Variants in SKAP2 observed in about 807,000 individuals in gnomAD.
SKAP2 encodes src kinase associated phosphoprotein 2, also known as src kinase-associated phosphoprotein 2.
A neutral mutation model predicts 54.9 loss-of-function variants in SKAP2; 28 were observed. That is an observed-to-expected ratio of 0.51 (90% CI 0.38 to 0.70). SKAP2 has a LOEUF of 0.70. Among genes scored for constraint, SKAP2 ranks in the 30% least tolerant of loss-of-function variants. The pLI is 0.00. For missense variants in SKAP2, 356 were observed against 424.1 expected (o/e 0.84, Z 1.41); for synonymous variants, 137 against 134.3 (o/e 1.02, Z -0.14).
At chr7:26,712,561 C>T (rs1787333510) in intron 9 of SKAP2, among the ~76,000 whole-genome samples, 1 of 152,182 alleles carries the variant, frequency 6.6e-6, no homozygotes, top group African/African-American at 2.4e-5. Context: ...TGCCTAGGTT[C>T]AAATCCCAAC....
chr7:26,660,543 T>A, the SKAP2 span, among the ~76,000 whole-genome samples: 21 of 152,014 alleles, frequency 1.4e-4, no homozygotes, highest in Non-Finnish European at 2.5e-4. Context: ...AAGCAAAGGA[T>A]GGTATACTTA....
chr7:26,691,455 A>AAAATATGCAAAATATAT (rs1231003593), intron 9 of SKAP2, among the ~76,000 whole-genome samples: 4 of 152,242 alleles, frequency 2.6e-5, no homozygotes, highest in African/African-American at 9.6e-5. Flanking sequence ...ACTTTAAAGA[A>AAAATATGCAAAATATAT]AAATATGCAA....
chr7:26,703,007 A>G (rs556150287), intron 9 of SKAP2, among the ~76,000 whole-genome samples: 45 of 152,322 alleles, frequency 3.0e-4, no homozygotes, highest in Admixed American at 8.5e-4. Flanking sequence ...CCATGCACAG[A>G]GTTTCTGATT....
intron 4 of SKAP2, among the ~76,000 whole-genome samples, chr7:26,831,762 T>C (rs2127992618): frequency 6.6e-6 from 1 of 152,186 alleles, no homozygotes; most frequent in East Asian, 1.9e-4. Flanking sequence ...ACCCAGGCAG[T>C]ATGTTCTTAA....
chr7:26,793,324 C>A (rs3801841), intron 4 of SKAP2, among the ~76,000 whole-genome samples: 1 of 152,184 alleles, frequency 6.6e-6, no homozygotes, highest in East Asian at 1.9e-4. Flanking sequence ...TAACCCTATG[C>A]TCTAGAATCA....
chr7:26,657,981 C>G, the SKAP2 span, among the ~76,000 whole-genome samples: 1 of 152,060 alleles, frequency 6.6e-6, no homozygotes, highest in East Asian at 1.9e-4. Context: ...TGCGGTCTTC[C>G]CAAATATTAT....
chr7:26,704,700 A>C (rs1415644846), intron 9 of SKAP2, among the ~76,000 whole-genome samples: 2 of 152,222 alleles, frequency 1.3e-5, no homozygotes, highest in Non-Finnish European at 2.9e-5. Context: ...CTGCCAAAAG[A>C]AGCAAGGTAG....
At chr7:26,779,320 C>A (rs1329386186) in intron 4 of SKAP2, among the ~76,000 whole-genome samples, 1 of 151,958 alleles carries the variant, frequency 6.6e-6, no homozygotes, top group Non-Finnish European at 1.5e-5. Context: ...AGACAGAATA[C>A]AATTACCTGC....
intron 11 of SKAP2, among the ~76,000 whole-genome samples, chr7:26,683,932 A>G (rs529306826): frequency 2.8e-4 from 43 of 152,288 alleles, no homozygotes; most frequent in African/African-American, 1.0e-3. Context: ...CTGTTTTCCT[A>G]CATCATTTGT....
chr7:26,672,655 A>G (rs561762401), intron 11 of SKAP2, among the ~76,000 whole-genome samples: 1 of 152,220 alleles, frequency 6.6e-6, no homozygotes, highest in East Asian at 1.9e-4. Flanking sequence ...GTTTGAAATT[A>G]ATGCATTATG....
chr7:26,803,021 A>G (rs554119216), intron 4 of SKAP2, among the ~76,000 whole-genome samples: 24 of 152,332 alleles, frequency 1.6e-4, no homozygotes, highest in African/African-American at 5.0e-4. Context: ...AACTACTACA[A>G]GAAAACATTG....
intron 4 of SKAP2, among the ~76,000 whole-genome samples, chr7:26,811,054 G>A (rs1253167316): frequency 6.6e-6 from 1 of 152,044 alleles, no homozygotes; most frequent in Non-Finnish European, 1.5e-5. Context: ...CAAGTAGTTT[G>A]ACCAGTCACA....
At chr7:26,732,478 T>C (rs964155894) in intron 6 of SKAP2, among the ~76,000 whole-genome samples, 1 of 152,220 alleles carries the variant, frequency 6.6e-6, no homozygotes, top group Non-Finnish European at 1.5e-5. Context: ...AAAGTTGGTT[T>C]CCGATGCTTA....
At chr7:26,839,429 C>T (rs984452644) in intron 4 of SKAP2, among the ~76,000 whole-genome samples, 8 of 151,830 alleles carry the variant, frequency 5.3e-5, no homozygotes, top group African/African-American at 1.9e-4. Context: ...ATTAAGACAA[C>T]CCAAAAATTT....
chr7:26,833,599 A>C (rs213534), intron 4 of SKAP2, among the ~76,000 whole-genome samples: 150,809 of 152,122 alleles, frequency 0.99, 74,775 homozygotes, highest in East Asian at 1. Flanking sequence ...AGACATTAAA[A>C]CAACAAAGAT....
intron 9 of SKAP2, among the ~76,000 whole-genome samples, chr7:26,698,027 T>C (rs1786933333): frequency 6.6e-6 from 1 of 152,200 alleles, no homozygotes. Flanking sequence ...TAGTGACAAA[T>C]AGGCTGATGT....
chr7:26,802,619 A>T lies in SKAP2; in HGVS notation c.307+41411T>A, dbSNP rs1424792989. ...TGCTTGGGGCTGGGTGCAGTAGCACACGCCTGTAATCCTGGCACTTTGGGA... is the reference window on the plus strand; with the variant it reads ...TGCTTGGGGCTGGGTGCAGTAGCACTCGCCTGTAATCCTGGCACTTTGGGA... On this transcript the variant is annotated intron_variant, in intron 4 of 12. Transcript: ENST00000345317. Among the ~76,000 whole-genome samples the T allele has an allele frequency of 2.0e-5, 3 of 152,052 alleles. No homozygotes were observed. In the South Asian group the frequency reaches 6.2e-4, roughly 31 times the overall value.
intron 4 of SKAP2, among the ~76,000 whole-genome samples, chr7:26,803,363 A>AAGGT (rs1164630327): frequency 6.6e-6 from 1 of 152,214 alleles, no homozygotes; most frequent in East Asian, 1.9e-4. Context: ...GACATATGAC[A>AAGGT]AGGTGCTCAA....
intron 11 of SKAP2, among the ~76,000 whole-genome samples, chr7:26,674,104 C>A (rs917121937): frequency 6.6e-6 from 1 of 151,986 alleles, no homozygotes; most frequent in East Asian, 1.9e-4. Context: ...ATGTACTAAC[C>A]CTTTCAGAAA....
Sources: allele counts gnomAD v4.1 joint callset (sites outside exome capture counted in the v4.1 genomes callset), GRCh38; gene constraint gnomAD v4.1.1; transcripts MANE v1.5; gene names NCBI Gene and HGNC (gene_info 2026-07-23, HGNC 2026-07-21).